Variants in UBR1 observed in about 807,000 individuals in gnomAD.
UBR1 encodes E3 ubiquitin-protein ligase UBR1.
Under a neutral mutation model 242.1 loss-of-function variants are expected in UBR1, and 102 were observed. That is an observed-to-expected ratio of 0.42 (90% CI 0.36 to 0.50). The LOEUF is 0.50. Ranked by LOEUF, UBR1 falls within the 20% of genes least tolerant of loss-of-function variation. The probability of loss-of-function intolerance (pLI) is 0.01; values close to 1 mark genes in which losing one functional copy is unlikely to be tolerated. For synonymous variants in UBR1, 675 were observed against 684.8 expected (o/e 0.99, Z 0.22); for missense variants, 1,772 against 2,101.8 (o/e 0.84, Z 3.07).
rs996967856 is a variant in UBR1, at chr15:43,024,866, G to A, written c.2702C>T (p.Thr901Ile). ...CCCTTCGGTCCACAAGTTAGAATCTGTGTCTATTGCCCGCTCAAATACGGT... is the reference window on the plus strand; with the variant it reads ...CCCTTCGGTCCACAAGTTAGAATCTATGTCTATTGCCCGCTCAAATACGGT... ...LRTVFERAID[T>I]DSNLWTEGML... The change falls in exon 25 of 47, where the codon ACA (threonine) becomes ATA (isoleucine). Residue 901 changes from threonine (T) to isoleucine (I), a missense_variant. Coordinates refer to ENST00000290650, the MANE Select transcript of UBR1 (RefSeq NM_174916.3). 2 of 1,614,148 alleles carry A rather than the reference G, an allele frequency of 1.2e-6. No homozygotes were observed. Among genetic ancestry groups the A allele is most frequent in the Non-Finnish European group, 8.5e-7 (1 of 1,180,026 alleles).
At chr15:43,069,555 G>A (rs1159465614) in intron 5 of UBR1, among the ~76,000 whole-genome samples, 1 of 152,234 alleles carries the variant, frequency 6.6e-6, no homozygotes, top group African/African-American at 2.4e-5. Flanking sequence ...GATTACAGGC[G>A]TGAGCCGCCG....
At chr15:43,007,570 T>G (rs1281306985) in intron 29 of UBR1, among the ~76,000 whole-genome samples, 10 of 151,978 alleles carry the variant, frequency 6.6e-5, no homozygotes, top group African/African-American at 2.4e-4. Flanking sequence ...GGGCTTTTTT[T>G]TTTTTCTGGA....
rs775115817 is a variant in UBR1 at position 43,070,889 on chromosome 15, G to C, written c.565C>G (p.Gln189Glu). ...ACTGAAGGAAATATTTTCCTGGCTT[G>C]GACAATTACCTCTTCATTCAACGGA... ...RCPLNEEVIV[Q>E]ARKIFPSVIK... The change falls in exon 5 of 47, where the codon CAA becomes GAA. Residue 189 changes from glutamine (Q) to glutamate (E), a missense_variant. Transcript: ENST00000290650. 1.2e-6 allele frequency: 2 copies of C among 1,613,474 alleles called. No individual in the cohort carries two copies. The highest frequency in any genetic ancestry group is 1.7e-6 in the Non-Finnish European group (2 of 1,179,930).
chr15:43,000,779 A>G (rs2032711038), intron 32 of UBR1, among the ~76,000 whole-genome samples: 1 of 152,338 alleles, frequency 6.6e-6, no homozygotes, highest in East Asian at 1.9e-4. Flanking sequence ...GAAGAAGACA[A>G]TTTCAATTTA....
intron 46 of UBR1, among the ~76,000 whole-genome samples, chr15:42,946,405 C>T (rs561787303): frequency 2.0e-5 from 3 of 152,138 alleles, no homozygotes; most frequent in Non-Finnish European, 2.9e-5. Flanking sequence ...GGATTACAGG[C>T]GTGAACCACC....
intron 1 of UBR1, among the ~76,000 whole-genome samples, chr15:43,091,519 G>T (rs1294718225): frequency 6.6e-6 from 1 of 151,866 alleles, no homozygotes; most frequent in Non-Finnish European, 1.5e-5. Context: ...TTTAACTATT[G>T]CCTTCTTTGT....
chr15:42,945,343 A>C lies in UBR1; in HGVS notation c.5236T>G (p.Trp1746Gly). ...AGAGTTGGAGCTCACAGTAACTGCCAGTTGAATCCAAATAACATCTGATTA... is the reference window on the plus strand; with the variant it reads ...AGAGTTGGAGCTCACAGTAACTGCCCGTTGAATCCAAATAACATCTGATTA... ...ETNQMLFGFN[W>G]QLL Residue 1746 changes from tryptophan to glycine, a missense_variant, in exon 47 of 47, where the codon TGG becomes GGG. By Grantham distance (184) the Trp-to-Gly change is radical (BLOSUM62 -2). Coordinates refer to ENST00000290650, the MANE Select transcript of UBR1 (RefSeq NM_174916.3). The C allele has an allele frequency of 6.2e-7, 1 of 1,614,192 alleles. No individual in the cohort carries two copies. Among genetic ancestry groups the C allele is most frequent in the Non-Finnish European group, 8.5e-7 (1 of 1,180,032 alleles).
chr15:43,029,824 A>C, intron 21 of UBR1, 120 bp downstream of exon 21: 1 of 1,124,080 alleles, frequency 8.9e-7, no homozygotes, highest in South Asian at 1.3e-5. Context: ...ATTGGTTTAC[A>C]TCTATAAGGT....
At chr15:43,045,850 C>T (rs573824423) in intron 14 of UBR1, among the ~76,000 whole-genome samples, 14 of 152,090 alleles carry the variant, frequency 9.2e-5, no homozygotes, top group African/African-American at 2.9e-4. Context: ...AATAGGTAAT[C>T]GATAATAAAT....
intron 33 of UBR1, among the ~76,000 whole-genome samples, chr15:42,990,417 C>A (rs1362699031): frequency 6.6e-6 from 1 of 152,176 alleles, no homozygotes; most frequent in Non-Finnish European, 1.5e-5. Flanking sequence ...AAGAGATCCT[C>A]CCACCTTGGC....
intron 21 of UBR1, among the ~76,000 whole-genome samples, chr15:43,029,540 C>T (rs937004248): frequency 3.9e-5 from 6 of 152,142 alleles, no homozygotes; most frequent in African/African-American, 1.2e-4. Flanking sequence ...AACTTTCCTT[C>T]CCTCTTTATT....
At chr15:43,068,575 C>T (rs1259104147) in intron 5 of UBR1, among the ~76,000 whole-genome samples, 1 of 151,838 alleles carries the variant, frequency 6.6e-6, no homozygotes, top group African/African-American at 2.4e-5. Flanking sequence ...CCCAATTTTT[C>T]ATATTACTTT....
chr15:43,074,931 C>T (rs768984564), intron 4 of UBR1, 48 bp downstream of exon 4: 3 of 1,410,228 alleles, frequency 2.1e-6, no homozygotes, highest in Admixed American at 1.7e-5. Context: ...TATCTAATCT[C>T]AGCAAACTTA....
chr15:43,043,685 G>A (rs1193366714), intron 14 of UBR1, among the ~76,000 whole-genome samples: 1 of 152,094 alleles, frequency 6.6e-6, no homozygotes, highest in East Asian at 1.9e-4. Context: ...GGGCTCAAGT[G>A]GTTCACCCAC....
intron 5 of UBR1, among the ~76,000 whole-genome samples, chr15:43,068,540 A>C (rs891364831): frequency 3.9e-5 from 6 of 152,020 alleles, no homozygotes; most frequent in African/African-American, 1.2e-4. Flanking sequence ...CTCTGATAAA[A>C]ATGTTTCCTT....
chr15:42,958,363 A>G (rs1206220355), intron 43 of UBR1, among the ~76,000 whole-genome samples: 1 of 152,220 alleles, frequency 6.6e-6, no homozygotes, highest in Non-Finnish European at 1.5e-5. Context: ...GAAGTAACAT[A>G]AAGTAGTAGT....
chr15:43,046,826 C>T (rs141306491), intron 14 of UBR1, among the ~76,000 whole-genome samples: 1 of 152,228 alleles, frequency 6.6e-6, no homozygotes, highest in African/African-American at 2.4e-5. Context: ...GAATAATCTA[C>T]CCCTCTCCAT....
chr15:42,948,910 C>T (rs1167334568), intron 46 of UBR1, among the ~76,000 whole-genome samples: 1 of 152,032 alleles, frequency 6.6e-6, no homozygotes, highest in Non-Finnish European at 1.5e-5. Context: ...ACCATTTGAC[C>T]CAGCCATCCC....
In UBR1 at chr15:43,015,661, G is replaced by A. The variant is rs201010407; in HGVS notation, c.3209+27C>T. 846 of 1,609,740 alleles carry A rather than the reference G, an allele frequency of 5.3e-4. 1 individual carries two copies. Among genetic ancestry groups the A allele is most frequent in the Non-Finnish European group, 6.6e-4 (774 of 1,178,604 alleles). ...CAATTTAAAAAAAAAAAATTGAGTT[G>A]GTAATTTTTGGTTTGCTTTATTTTA... On this transcript the variant is annotated intron_variant, in intron 29 of 46. Coordinates refer to ENST00000290650, the MANE Select transcript of UBR1 (RefSeq NM_174916.3).
Sources: allele counts gnomAD v4.1 joint callset (sites outside exome capture counted in the v4.1 genomes callset), GRCh38; gene constraint gnomAD v4.1.1; transcripts MANE v1.5; gene names NCBI Gene and HGNC (gene_info 2026-07-23, HGNC 2026-07-21).